Variants in SLC12A2 observed in about 807,000 individuals in gnomAD.
The protein encoded by SLC12A2 is Na-K-2Cl cotransporter 1.
A neutral mutation model predicts 136.3 loss-of-function variants in SLC12A2; 67 were observed. The observed-to-expected ratio is 0.49, with a 90% CI of 0.40 to 0.60. The LOEUF is 0.60. Among genes scored for constraint, SLC12A2 ranks in the 20% least tolerant of loss-of-function variants. SLC12A2 has a pLI of 0.00. For synonymous variants in SLC12A2, 619 were observed against 562.9 expected (o/e 1.10, Z -1.41); for missense variants, 1,322 against 1,534.7 (o/e 0.86, Z 2.32).
At chr5:128,173,721 T>C (rs1763453098) in intron 19 of SLC12A2, among the ~76,000 whole-genome samples, 1 of 152,208 alleles carries the variant, frequency 6.6e-6, no homozygotes, top group Admixed American at 6.5e-5. Flanking sequence ...CTGCGAGCTC[T>C]TAGCATAGTG....
At chr5:128,103,558 A>G (rs1760820985) in intron 1 of SLC12A2, among the ~76,000 whole-genome samples, 1 of 152,256 alleles carries the variant, frequency 6.6e-6, no homozygotes, top group Non-Finnish European at 1.5e-5. Flanking sequence ...GGGAGTGCAT[A>G]GATTACAAAA....
chr5:128,162,948 T>G (rs1363879114), intron 17 of SLC12A2, among the ~76,000 whole-genome samples: 2 of 148,186 alleles, frequency 1.3e-5, no homozygotes, highest in East Asian at 2.0e-4. Flanking sequence ...TTTTTGTGAG[T>G]TTTTTTTTTA....
At chr5:128,161,865 T>A in intron 17 of SLC12A2, 65 bp downstream of exon 17, 2 of 1,095,984 alleles carry the variant, frequency 1.8e-6, no homozygotes, top group East Asian at 3.0e-5. Flanking sequence ...TAAAACTTTT[T>A]AATTCTAGAT....
At chr5:128,121,868 C>G (rs770643236) in intron 4 of SLC12A2, among the ~76,000 whole-genome samples, 2 of 152,184 alleles carry the variant, frequency 1.3e-5, no homozygotes, top group African/African-American at 2.4e-5. Flanking sequence ...AGAGTTTCCA[C>G]GGATCTGTAC....
rs111263811 is a variant in SLC12A2 at position 128,178,437 on chromosome 5, G to A, written c.2978-130G>A. The A allele has an allele frequency of 4.2e-3, 2,193 of 525,050 alleles. 34 individuals carry two copies. The highest frequency in any genetic ancestry group is 0.033 in the African/African-American group (1,668 of 50,426). The allele number at this position is 525,050 out of a possible 1,614,324, so 32.5% of individuals were successfully genotyped here. On this transcript the variant is annotated intron_variant, in intron 21 of 26. Coordinates refer to ENST00000262461, the MANE Select transcript of SLC12A2 (RefSeq NM_001046.3). ...CAACTGAAAGTTTATGGTAGATGCC[G>A]TATACAATTGTCTGAATTATCTGTA...
chr5:128,099,383 A>G (rs1760663932), intron 1 of SLC12A2, among the ~76,000 whole-genome samples: 1 of 152,206 alleles, frequency 6.6e-6, no homozygotes, highest in Non-Finnish European at 1.5e-5. Context: ...TTACTATTGA[A>G]TGGAGCTTGC....
chr5:128,174,047 T>C (rs1449704477), intron 19 of SLC12A2, among the ~76,000 whole-genome samples: 5 of 152,138 alleles, frequency 3.3e-5, no homozygotes, highest in Admixed American at 3.3e-4. Flanking sequence ...ATGTAATTGA[T>C]TTAGAGAGAA....
At chr5:128,154,061 A>C (rs978078546) in intron 15 of SLC12A2, among the ~76,000 whole-genome samples, 45 of 130,118 alleles carry the variant, frequency 3.5e-4, no homozygotes, top group African/African-American at 1.4e-3. Context: ...TCAATTAAAA[A>C]AAAAAACAAA....
At chr5:128,120,592 A>G (rs1048919243) in intron 4 of SLC12A2, among the ~76,000 whole-genome samples, 5 of 151,378 alleles carry the variant, frequency 3.3e-5, no homozygotes, top group African/African-American at 1.2e-4. Context: ...CATCATTCTC[A>G]GTAAACTATC....
rs1227040579 is a variant in SLC12A2, at chr5:128,089,617, A to C, written c.756+4907A>C. ...GTTGAATGATTATATAACTGACAGA[A>C]ATCAAGAGATGTGATGATGTAAATA... On this transcript the variant is annotated intron_variant, in intron 1 of 26. Coordinates refer to ENST00000262461, the MANE Select transcript of SLC12A2 (RefSeq NM_001046.3). Among the ~76,000 whole-genome samples, 3 of 152,196 alleles carry C rather than the reference A, an allele frequency of 2.0e-5. No individual in the cohort carries two copies. In the East Asian group the frequency reaches 5.8e-4, roughly 29 times the overall value.
At chr5:128,138,146 C>G (rs545545785) in intron 7 of SLC12A2, among the ~76,000 whole-genome samples, 1 of 152,146 alleles carries the variant, frequency 6.6e-6, no homozygotes, top group Non-Finnish European at 1.5e-5. Context: ...CTTGTGTTGC[C>G]CAGGCTGGTC....
chr5:128,185,485 A>G (rs1426325294), intron 26 of SLC12A2, among the ~76,000 whole-genome samples: 1 of 152,188 alleles, frequency 6.6e-6, no homozygotes, highest in Non-Finnish European at 1.5e-5. Flanking sequence ...CCAAGTAATG[A>G]AAAAAACTAC....
At chr5:128,117,259 A>G (rs981168951) in intron 4 of SLC12A2, among the ~76,000 whole-genome samples, 2 of 152,210 alleles carry the variant, frequency 1.3e-5, no homozygotes, top group Non-Finnish European at 2.9e-5. Flanking sequence ...GTCAACCTAA[A>G]GGAGCTAACA....
intron 10 of SLC12A2, among the ~76,000 whole-genome samples, chr5:128,146,611 A>C (rs1021065597): frequency 2.0e-5 from 3 of 151,308 alleles, no homozygotes; most frequent in Admixed American, 6.6e-5. Flanking sequence ...TAATATACCT[A>C]GTATCTACAT....
intron 4 of SLC12A2, among the ~76,000 whole-genome samples, chr5:128,122,958 T>A (rs914588542): frequency 6.6e-6 from 1 of 152,136 alleles, no homozygotes; most frequent in African/African-American, 2.4e-5. Context: ...AAATTTAACA[T>A]AACTTTATGT....
chr5:128,142,189 G>A (rs1430700343), intron 10 of SLC12A2, among the ~76,000 whole-genome samples: 4 of 152,130 alleles, frequency 2.6e-5, no homozygotes, highest in Admixed American at 6.5e-5. Context: ...TGCAAGCTCC[G>A]CCTCCTAGGT....
intron 1 of SLC12A2, among the ~76,000 whole-genome samples, chr5:128,099,928 T>A (rs1196928499): frequency 2.0e-5 from 3 of 152,218 alleles, no homozygotes; most frequent in African/African-American, 4.8e-5. Context: ...AGTTATTATT[T>A]TTTTTAAGTA....
chr5:128,083,913 A>C lies in SLC12A2; in HGVS notation c.-42A>C. The C allele has an allele frequency of 8.2e-7, 1 of 1,214,578 alleles. No homozygotes were observed. Among genetic ancestry groups the C allele is most frequent in the African/African-American group, 1.6e-5 (1 of 63,528 alleles). The allele number at this position is 1,214,578 out of a possible 1,614,324, so 75.2% of individuals were successfully genotyped here. On this transcript the variant is annotated 5_prime_UTR_variant, in exon 1 of 27. Coordinates refer to ENST00000262461, the MANE Select transcript of SLC12A2 (RefSeq NM_001046.3). ...GGGTGTGGAGGGCGTGCTGCCGGAG[A>C]CGTCCGCCGGGCTCTGCAGTTCCGC...
chr5:128,087,845 T>C (rs1374371737), intron 1 of SLC12A2, among the ~76,000 whole-genome samples: 2 of 152,100 alleles, frequency 1.3e-5, no homozygotes, highest in Non-Finnish European at 2.9e-5. Flanking sequence ...TTGTAGATTT[T>C]GAACTTGAGA....
Sources: allele counts gnomAD v4.1 joint callset (sites outside exome capture counted in the v4.1 genomes callset), GRCh38; gene constraint gnomAD v4.1.1; transcripts MANE v1.5; gene names NCBI Gene and HGNC (gene_info 2026-07-23, HGNC 2026-07-21).